Variants in CD101 observed in about 807,000 individuals in gnomAD.
The protein encoded by CD101 is immunoglobulin superfamily member 2.
In CD101, 76 loss-of-function variants were observed where a neutral mutation model predicts 98.2. The ratio of observed to expected loss-of-function variants is 0.77; its 90% CI spans 0.64 to 0.94. The LOEUF is 0.94. CD101 is among the 40% of genes least tolerant of loss of function. The pLI, the probability that CD101 is intolerant of heterozygous loss-of-function variation, is 0.00. For synonymous variants in CD101, 471 were observed against 472.7 expected, an observed-to-expected ratio of 1.00 and a Z score of 0.05; for missense variants, 1,145 against 1,218.8, an observed-to-expected ratio of 0.94 and a Z score of 0.90.
rs1037718618 is a variant in CD101, at chr1:117,012,692, G to C, written c.842-714G>C. ...CAAAGGGCTGGGATTTCAGGCGTGA[G>C]CCACCGCACCCAGCCTGCTGTTACT... On this transcript the variant is annotated intron_variant, in intron 3 of 9. Coordinates refer to ENST00000682167, the MANE Select transcript of CD101 (RefSeq NM_001256106.3). This position sits in a 1 kb window ranked among gnomAD's most constrained non-coding sequence, Gnocchi z 4.0. Among the ~76,000 whole-genome samples the C allele has an allele frequency of 6.6e-6, 1 of 152,186 alleles. No individual in the cohort carries two copies. Among genetic ancestry groups the C allele is most frequent in the Non-Finnish European group, 1.5e-5 (1 of 68,030 alleles).
chr1:117,015,046 G>A (rs1653124399), intron 4 of CD101, among the ~76,000 whole-genome samples: 1 of 152,142 alleles, frequency 6.6e-6, no homozygotes. Flanking sequence ...GAACTTCAGG[G>A]TACACAGCTG....
In CD101 at chr1:117,006,222, G is replaced by T. The variant is rs1038785167; in HGVS notation, c.44-3628G>T. Among the ~76,000 whole-genome samples the T allele has an allele frequency of 2.6e-5, 4 of 151,880 alleles. 1 individual carries two copies. In the South Asian group the frequency reaches 8.3e-4, roughly 32 times the overall value. Reference sequence around the variant, plus strand: ...ACCCTGCTACTCCCAAGCATCCAACGCACTGAAAACTACAGATTTTGTCTC... The same window carrying T: ...ACCCTGCTACTCCCAAGCATCCAACTCACTGAAAACTACAGATTTTGTCTC... On this transcript the variant is annotated intron_variant, in intron 1 of 9. Transcript: ENST00000682167. This position sits in a 1 kb window ranked among gnomAD's most constrained non-coding sequence, Gnocchi z 4.4.
intron 8 of CD101, among the ~76,000 whole-genome samples, chr1:117,031,262 AG>A (rs1251066152): frequency 4.6e-5 from 7 of 152,212 alleles, no homozygotes; most frequent in African/African-American, 1.7e-4. Flanking sequence ...TTCCCCACCA[AG>A]ATAGCCAAGC....
In CD101 at chr1:117,013,676, A is replaced by T. The variant is rs1489544234; in HGVS notation, c.1112A>T (p.Asp371Val). The change falls in exon 4 of 10, where the codon GAT (aspartate) becomes GTT (valine). Residue 371 changes from aspartate (D) to valine (V), a missense_variant. Transcript: ENST00000682167. ...AAGATCTTCTCTCTGGGCCCAGAGG[A>T]TGAAGGCGCCTACAGATGTGTGGTA... ...SLKIFSLGPE[D>V]EGAYRCVVAE... 6.2e-7 allele frequency: 1 copy of T among 1,613,996 alleles called. No individual in the cohort carries two copies. The highest frequency in any genetic ancestry group is 1.3e-5 in the African/African-American group (1 of 74,902).
intron 1 of CD101, among the ~76,000 whole-genome samples, chr1:117,007,357 C>CT (rs952693113): frequency 5.9e-4 from 85 of 144,578 alleles, no homozygotes; most frequent in Middle Eastern, 3.6e-3. Flanking sequence ...TCCTAGTTTG[C>CT]TTTTTTTTTT....
intron 8 of CD101, among the ~76,000 whole-genome samples, chr1:117,027,901 T>C (rs1232156691): frequency 6.6e-6 from 1 of 151,964 alleles, no homozygotes; most frequent in African/African-American, 2.4e-5. Context: ...CTGACCAACA[T>C]GGAGAAACCC....
intron 8 of CD101, among the ~76,000 whole-genome samples, chr1:117,031,064 T>C (rs547340732): frequency 1.3e-5 from 2 of 152,322 alleles, no homozygotes; most frequent in African/African-American, 4.8e-5. Context: ...CTAATTCTAA[T>C]CCAGATATGG....
chr1:117,028,965 C>CT (rs1335094257), intron 8 of CD101, among the ~76,000 whole-genome samples: 1 of 151,172 alleles, frequency 6.6e-6, no homozygotes, highest in Non-Finnish European at 1.5e-5. Context: ...TTTAGTTTTG[C>CT]TTTTTTGCTG....
chr1:117,010,863 C>G lies in CD101; in HGVS notation c.424+633C>G, dbSNP rs546222364. Among the ~76,000 whole-genome samples, 2 of 152,122 alleles carry G rather than the reference C, an allele frequency of 1.3e-5. No homozygotes were observed. The highest frequency in any genetic ancestry group is 4.8e-5 in the African/African-American group (2 of 41,418). ...AGATTGTTCATACCACTGCTCTCAG[C>G]ATGTATCCAGTTACATGGTAATTGG... is the stretch of plus-strand genomic sequence containing the variant. On this transcript the variant is annotated intron_variant, in intron 2 of 9. Transcript: ENST00000682167. This position sits in a 1 kb window ranked among gnomAD's most constrained non-coding sequence, Gnocchi z 5.2.
chr1:117,007,735 T>C (rs1403269540), intron 1 of CD101, among the ~76,000 whole-genome samples: 1 of 152,264 alleles, frequency 6.6e-6, no homozygotes, highest in Non-Finnish European at 1.5e-5. Context: ...TTAAACTTTA[T>C]AAACAGTACG....
Position 117,034,133 on chromosome 1 carries a change from A to G in CD101, c.*32A>G. The G allele has an allele frequency of 1.9e-6, 3 of 1,610,974 alleles. No homozygotes were observed. The highest frequency in any genetic ancestry group is 1.7e-6 in the Non-Finnish European group (2 of 1,178,970). On this transcript the variant is annotated splice_region_variant and 3_prime_UTR_variant, in exon 9 of 10. Transcript: ENST00000682167. ...AGAGGCACCTGCAGCCAGGAAGGAA[A>G]GGTGGGGGCTTTTTAATTGGGCTAA...
rs1653629848 is a variant in CD101 at position 117,022,204 on chromosome 1, A to G, written c.2428+221A>G. On this transcript the variant is annotated intron_variant, in intron 7 of 9. Transcript: ENST00000682167. The surrounding 1 kb of genome is among the most constrained non-coding windows in gnomAD (Gnocchi z 4.8). ...GGTTTTGGGGAGCTGAGGTAGGAGCAATATCCCTTTGATTGGTTTGCTTCT... is the reference window on the plus strand; with the variant it reads ...GGTTTTGGGGAGCTGAGGTAGGAGCGATATCCCTTTGATTGGTTTGCTTCT... Among the ~76,000 whole-genome samples the G allele has an allele frequency of 6.6e-6, 1 of 152,174 alleles. No individual in the cohort carries two copies. Among genetic ancestry groups the G allele is most frequent in the Non-Finnish European group, 1.5e-5 (1 of 68,030 alleles).
chr1:117,011,771 C>G lies in CD101; in HGVS notation c.646C>G (p.Arg216Gly). ...GGTCCCTGGGCCCTTGTATACAGAG[C>G]GGTTTGCAGCCAGTGACGTACAGCT... ...ILVPGPLYTE[R>G]FAASDVQLNK... The change falls in exon 3 of 10, where the codon CGG (arginine) becomes GGG (glycine). Residue 216 changes from arginine to glycine, a missense_variant. Transcript: ENST00000682167. 1.2e-6 allele frequency: 2 copies of G among 1,614,124 alleles called. No homozygotes were observed. The highest frequency in any genetic ancestry group is 1.7e-6 in the Non-Finnish European group (2 of 1,180,016).
chr1:117,007,501 A>G (rs1652608040), intron 1 of CD101, among the ~76,000 whole-genome samples: 1 of 151,972 alleles, frequency 6.6e-6, no homozygotes, highest in Non-Finnish European at 1.5e-5. Flanking sequence ...GCACCTTGCC[A>G]CCATGCCTGG....
chr1:117,016,541 A>T (rs1219491131), intron 4 of CD101, among the ~76,000 whole-genome samples: 1 of 152,158 alleles, frequency 6.6e-6, no homozygotes, highest in Non-Finnish European at 1.5e-5. Flanking sequence ...TAACAAACAA[A>T]TAAGAAATAT....
At chr1:117,034,362 G>A in intron 9 of CD101, 3 of 467,546 alleles carry the variant, frequency 6.4e-6, no homozygotes, top group Non-Finnish European at 1.2e-5. Flanking sequence ...GAAGGTTCAG[G>A]TCCCTGGGCT....
Position 117,025,754 on chromosome 1 carries a change from T to G in CD101, c.2674T>G (p.Phe892Val). The change falls in exon 8 of 10, where the codon TTT becomes GTT. Residue 892 changes from phenylalanine (F) to valine (V), a missense_variant. Coordinates refer to ENST00000682167, the MANE Select transcript of CD101 (RefSeq NM_001256106.3). ...LHCYRSSSTD[F>V]VLKLHQVEME... is the part of the protein sequence containing the mutation. ...CTGTTACCGTTCATCCTCTACAGAC[T>G]TTGTCCTGAAGCTTCATCAGGTGGA... 6.2e-7 allele frequency: 1 copy of G among 1,614,156 alleles called. No individual in the cohort carries two copies. The highest frequency in any genetic ancestry group is 8.5e-7 in the Non-Finnish European group (1 of 1,180,024).
rs370564335 is a variant in CD101, at chr1:117,018,185, C to T, written c.1642C>T (p.Arg548Cys). 322 of 1,604,520 alleles carry T rather than the reference C, an allele frequency of 2.0e-4. No homozygotes were observed. The highest frequency in any genetic ancestry group is 2.5e-4 in the Non-Finnish European group (293 of 1,174,030). Reference sequence around the variant, plus strand: ...AAGTTTACAAGTTAGTCTGATGAGCCGTCAGCCGCAAGTGATGTTAACCAA... The same window carrying T: ...AAGTTTACAAGTTAGTCTGATGAGCTGTCAGCCGCAAGTGATGTTAACCAA... Reference protein sequence around the residue: ...ESSLQVSLMSRQPQVMLTNTF... With the variant: ...ESSLQVSLMSCQPQVMLTNTF... The change falls in exon 6 of 10, where the codon CGT becomes TGT. Residue 548 changes from arginine to cysteine, a missense_variant. Transcript: ENST00000682167. The surrounding 1 kb of genome is among the most constrained non-coding windows in gnomAD (Gnocchi z 4.3).
intron 1 of CD101, among the ~76,000 whole-genome samples, chr1:117,003,833 G>A (rs1244458068): frequency 6.6e-6 from 1 of 152,172 alleles, no homozygotes; most frequent in African/African-American, 2.4e-5. Flanking sequence ...GTTTTTATGT[G>A]AAGAATACAT....
Sources: gnomAD v4.1 joint callset for allele counts (sites outside exome capture counted in the v4.1 genomes callset) on GRCh38, gnomAD v4.1.1 for gene constraint, Gnocchi (gnomAD v3.1) non-coding constraint, MANE v1.5 for transcripts, NCBI Gene and HGNC (gene_info 2026-07-23, HGNC 2026-07-21) for gene names.